Variants in AGBL4 observed in about 807,000 individuals in gnomAD.
AGBL4 encodes the protein cytosolic carboxypeptidase 6.
In AGBL4, 58 loss-of-function variants were observed where a neutral mutation model predicts 66.4. That is an observed-to-expected ratio of 0.87 (90% confidence interval 0.71 to 1.09). The LOEUF is 1.09. AGBL4 is among the 50% of genes least tolerant of loss of function. The pLI is 0.00. For synonymous variants in AGBL4, 234 were observed against 222.9 expected (o/e 1.05, Z -0.44); for missense variants, 579 against 631.0 (o/e 0.92, Z 0.88).
intron 6 of AGBL4, among the ~76,000 whole-genome samples, chr1:48,734,258 G>C (rs1265420657): frequency 6.6e-6 from 1 of 152,190 alleles, no homozygotes; most frequent in African/African-American, 2.4e-5. Flanking sequence ...GAGTCGGCGG[G>C]TGTGTGTTTG....
chr1:49,678,171 A>G (rs1415921592), intron 3 of AGBL4, among the ~76,000 whole-genome samples: 1 of 152,116 alleles, frequency 6.6e-6, no homozygotes, highest in East Asian at 1.9e-4. Context: ...TATATATTTC[A>G]TGTTTTGTAA....
intron 4 of AGBL4, among the ~76,000 whole-genome samples, chr1:49,136,052 A>G (rs1646004110): frequency 6.6e-6 from 1 of 152,176 alleles, no homozygotes; most frequent in African/African-American, 2.4e-5. Flanking sequence ...ATTAACAGTA[A>G]TTGTGAAAAA....
chr1:49,117,848 A>T (rs1406346257), intron 4 of AGBL4, among the ~76,000 whole-genome samples: 1 of 152,174 alleles, frequency 6.6e-6, no homozygotes, highest in African/African-American at 2.4e-5. Context: ...CTTCCTATCC[A>T]TGAGCATGGA....
intron 11 of AGBL4, among the ~76,000 whole-genome samples, chr1:48,572,379 A>G (rs956312211): frequency 6.6e-6 from 1 of 152,088 alleles, no homozygotes; most frequent in African/African-American, 2.4e-5. Context: ...ATGCATTTCC[A>G]CTATTCGCCT....
chr1:48,928,532 C>T (rs1654775369), intron 5 of AGBL4, among the ~76,000 whole-genome samples: 1 of 151,994 alleles, frequency 6.6e-6, no homozygotes, highest in Non-Finnish European at 1.5e-5. Flanking sequence ...CTCTTTTTCC[C>T]TCAGGCTTAG....
At chr1:49,367,182 C>T (rs1644255901) in intron 3 of AGBL4, among the ~76,000 whole-genome samples, 1 of 152,124 alleles carries the variant, frequency 6.6e-6, no homozygotes, top group Non-Finnish European at 1.5e-5. Context: ...TGGATTTATC[C>T]CCTCCAAATC....
intron 3 of AGBL4, among the ~76,000 whole-genome samples, chr1:49,510,555 T>C (rs1649130125): frequency 6.6e-6 from 1 of 151,070 alleles, no homozygotes; most frequent in South Asian, 2.1e-4. Flanking sequence ...CTGATGGTAG[T>C]TTCTTTTGCT....
At chr1:48,919,769 A>G (rs745385135) in intron 5 of AGBL4, among the ~76,000 whole-genome samples, 22 of 152,306 alleles carry the variant, frequency 1.4e-4, no homozygotes, top group Admixed American at 6.5e-4. Context: ...GTCTCTAGAC[A>G]TTGCCAAATG....
intron 6 of AGBL4, among the ~76,000 whole-genome samples, chr1:48,797,623 A>T (rs180906108): frequency 7.4e-4 from 113 of 151,736 alleles, no homozygotes; most frequent in Non-Finnish European, 1.6e-4. Context: ...TTTGAGACGG[A>T]GTCTCACTAT....
chr1:48,861,347 G>C (rs1647451562), intron 6 of AGBL4, among the ~76,000 whole-genome samples: 1 of 152,144 alleles, frequency 6.6e-6, no homozygotes. Context: ...TATTTGAAGA[G>C]TTAATTTGCC....
intron 2 of AGBL4, among the ~76,000 whole-genome samples, chr1:49,716,545 CA>C (rs1199951185): frequency 6.6e-6 from 1 of 151,756 alleles, no homozygotes; most frequent in Non-Finnish European, 1.5e-5. Context: ...ACTGGAAAAC[CA>C]AATCCACAAG....
intron 4 of AGBL4, among the ~76,000 whole-genome samples, chr1:49,096,416 A>G (rs1320895096): frequency 6.6e-6 from 1 of 151,994 alleles, no homozygotes; most frequent in African/African-American, 2.4e-5. Flanking sequence ...ACTATTCACA[A>G]CAGCAAAGAC....
At chr1:49,519,779 A>T (rs1028656317) in intron 3 of AGBL4, among the ~76,000 whole-genome samples, 5 of 152,112 alleles carry the variant, frequency 3.3e-5, no homozygotes, top group African/African-American at 7.2e-5. Flanking sequence ...CTCAAATGAG[A>T]CTATGCAAAC....
intron 4 of AGBL4, among the ~76,000 whole-genome samples, chr1:49,166,463 G>A (rs921797259): frequency 6.6e-6 from 1 of 152,066 alleles, no homozygotes; most frequent in Non-Finnish European, 1.5e-5. Flanking sequence ...TGGTTCTGTA[G>A]CTATCTTAAT....
At chr1:49,577,381 G>A (rs1644457794) in intron 3 of AGBL4, among the ~76,000 whole-genome samples, 1 of 152,230 alleles carries the variant, frequency 6.6e-6, no homozygotes, top group Non-Finnish European at 1.5e-5. Context: ...CAGTGAGGCT[G>A]ACCTGGCTAT....
intron 5 of AGBL4, among the ~76,000 whole-genome samples, chr1:48,994,184 G>C (rs1294874894): frequency 6.6e-6 from 1 of 151,992 alleles, no homozygotes; most frequent in Non-Finnish European, 1.5e-5. Flanking sequence ...ATAGTTTCTG[G>C]AATGTCCCAC....
At chr1:49,856,186 C>T (rs1646428500) in intron 1 of AGBL4, among the ~76,000 whole-genome samples, 1 of 151,654 alleles carries the variant, frequency 6.6e-6, no homozygotes, top group African/African-American at 2.4e-5. Context: ...AAAGACTGAA[C>T]CAGAAATAAA....
chr1:48,847,553 T>C (rs17104972), intron 6 of AGBL4, among the ~76,000 whole-genome samples: 6,300 of 152,242 alleles, frequency 0.041, 429 homozygotes, highest in African/African-American at 0.14. Flanking sequence ...AATTATAAGA[T>C]GGCAACTAGG....
intron 4 of AGBL4, among the ~76,000 whole-genome samples, chr1:49,107,694 TGAGAGAGAGAGAGAGAGAGAGA>T (rs56321932): frequency 1.8e-5 from 2 of 113,942 alleles, no homozygotes; most frequent in Admixed American, 8.8e-5. Flanking sequence ...TGTGTGTGTG[TGAGAGAGAGAGAGAGAGAGAGA>T]GAGAGAGAGA....
Sources: gnomAD v4.1 joint callset for allele counts (sites outside exome capture counted in the v4.1 genomes callset) on GRCh38, gnomAD v4.1.1 for gene constraint, MANE v1.5 for transcripts, NCBI Gene and HGNC (gene_info 2026-07-23, HGNC 2026-07-21) for gene names.